The following IMMP2L variants were observed in gnomAD, a reference collection of about 807,000 sequenced individuals.
IMMP2L encodes inner mitochondrial membrane peptidase subunit 2.
A neutral mutation model predicts 19.3 loss-of-function variants in IMMP2L; 18 were observed. The ratio of observed to expected loss-of-function variants is 0.93; its 90% CI spans 0.64 to 1.38. The LOEUF is 1.38. IMMP2L is among the 40% of genes most tolerant of loss of function. The pLI, the probability that IMMP2L is intolerant of heterozygous loss-of-function variation, is 0.00. For missense variants in IMMP2L, 233 were observed against 218.2 expected, an observed-to-expected ratio of 1.07 and a Z score of -0.43; for synonymous variants, 76 against 73.0, an observed-to-expected ratio of 1.04 and a Z score of -0.21.
chr7:111,040,613 A>T (rs192149148), intron 3 of IMMP2L, among the ~76,000 whole-genome samples: 1 of 150,784 alleles, frequency 6.6e-6, no homozygotes. Flanking sequence ...ACAGCAGCAT[A>T]TCCTAACTTA....
intron 5 of IMMP2L, among the ~76,000 whole-genome samples, chr7:110,808,073 T>C (rs1049930825): frequency 6.6e-6 from 1 of 152,082 alleles, no homozygotes; most frequent in Non-Finnish European, 1.5e-5. Flanking sequence ...TGGGAAAATA[T>C]TAGTTTTTCA....
At chr7:111,208,441 T>C (rs1472484373) in intron 3 of IMMP2L, among the ~76,000 whole-genome samples, 1 of 152,190 alleles carries the variant, frequency 6.6e-6, no homozygotes, top group Non-Finnish European at 1.5e-5. Context: ...TGTGGCTGAA[T>C]TACCACACTG....
At position 111,423,765 on chromosome 7, in the gene IMMP2L, A is replaced by G. The variant is rs191721658; in HGVS notation, c.239+63473T>C. On this transcript the variant is annotated intron_variant, in intron 3 of 5. Transcript: ENST00000405709. ...TTAAAAGAACTAGAGAAGCAAAAGC[A>G]AACAAATTCAAAAGCCAGCAGAAGG... Among the ~76,000 whole-genome samples the G allele has an allele frequency of 6.0e-4, 91 of 151,986 alleles. 6 individuals carry two copies. Among genetic ancestry groups the G allele is most frequent in the African/African-American group, 2.1e-3 (85 of 41,274 alleles).
In IMMP2L at chr7:111,505,793, G is replaced by C. The variant is rs1235158026; in HGVS notation, c.135+15520C>G. Among the ~76,000 whole-genome samples the C allele has an allele frequency of 5.9e-5, 9 of 152,106 alleles. No homozygotes were observed. In the South Asian group the frequency reaches 8.3e-4, roughly 14 times the overall value. ...AATGAGAACACATGGACACAGGAAG[G>C]GGAACATCACACAGTGGGGACTGTT... On this transcript the variant is annotated intron_variant, in intron 2 of 5. Transcript: ENST00000405709.
intron 5 of IMMP2L, among the ~76,000 whole-genome samples, chr7:110,824,345 T>A (rs928392359): frequency 6.6e-6 from 1 of 152,112 alleles, no homozygotes; most frequent in African/African-American, 2.4e-5. Context: ...ACAAATAGGA[T>A]AGACTAAAAA....
chr7:111,142,662 G>A (rs1803059959), intron 3 of IMMP2L, among the ~76,000 whole-genome samples: 1 of 152,084 alleles, frequency 6.6e-6, no homozygotes, highest in Non-Finnish European at 1.5e-5. Context: ...CTGAGAAATT[G>A]GGCCAGTATG....
intron 3 of IMMP2L, among the ~76,000 whole-genome samples, chr7:111,369,370 C>A (rs771631187): frequency 0.012 from 1,851 of 151,914 alleles, 15 homozygotes; most frequent in Non-Finnish European, 0.017. Context: ...AAATGTTTTG[C>A]TACAGTTGTA....
intron 3 of IMMP2L, among the ~76,000 whole-genome samples, chr7:111,465,173 T>A (rs1231176757): frequency 1.3e-5 from 2 of 152,164 alleles, no homozygotes; most frequent in African/African-American, 4.8e-5. Context: ...ACTCCTGCCA[T>A]AATGGGCTCT....
chr7:110,713,629 C>T (rs1795042511), intron 5 of IMMP2L, among the ~76,000 whole-genome samples: 1 of 146,756 alleles, frequency 6.8e-6, no homozygotes, highest in Non-Finnish European at 1.5e-5. Flanking sequence ...CTTCTATCGC[C>T]TTGGTTGGGT....
chr7:111,259,907 G>C (rs1817134692), intron 3 of IMMP2L, among the ~76,000 whole-genome samples: 1 of 151,950 alleles, frequency 6.6e-6, no homozygotes, highest in African/African-American at 2.4e-5. Flanking sequence ...GGCCTGCACA[G>C]GGTCAGGATC....
chr7:111,227,431 T>C (rs1323392408), intron 3 of IMMP2L, among the ~76,000 whole-genome samples: 1 of 152,174 alleles, frequency 6.6e-6, no homozygotes, highest in Non-Finnish European at 1.5e-5. Context: ...CCCTGTTTTC[T>C]TTTAAGCTTC....
chr7:110,959,146 A>G (rs1818671017), intron 4 of IMMP2L, among the ~76,000 whole-genome samples: 1 of 152,030 alleles, frequency 6.6e-6, no homozygotes, highest in Admixed American at 6.6e-5. Flanking sequence ...TACAGTAAGT[A>G]TAAATAAGTC....
chr7:110,993,356 T>C (rs1469119609), intron 3 of IMMP2L, among the ~76,000 whole-genome samples: 2 of 152,206 alleles, frequency 1.3e-5, no homozygotes, highest in Non-Finnish European at 2.9e-5. Flanking sequence ...AGAAGTTACA[T>C]TGATTGTCCA....
intron 1 of IMMP2L, among the ~76,000 whole-genome samples, chr7:111,539,622 T>C (rs1206070951): frequency 6.6e-6 from 1 of 151,226 alleles, no homozygotes; most frequent in African/African-American, 2.5e-5. Context: ...CCACTCTGCT[T>C]TTTATCTGGT....
rs141894159 is a variant in IMMP2L, at chr7:110,963,222, A to G, written c.305+278T>C. Reference sequence around the variant, plus strand: ...ATAGTCATGCTACTTTTAATATCTGATCAATAATGATTTAATGATCATTTT... The same window carrying G: ...ATAGTCATGCTACTTTTAATATCTGGTCAATAATGATTTAATGATCATTTT... On this transcript the variant is annotated intron_variant, in intron 4 of 5. Coordinates refer to ENST00000405709, the MANE Select transcript of IMMP2L (RefSeq NM_032549.4). The G allele has an allele frequency of 6.3e-4, 425 of 671,056 alleles. 1 individual carries two copies. The East Asian group carries it at 0.012, about 18-fold the overall frequency. 41.6% of individuals were successfully genotyped at this position (671,056 alleles called of 1,614,324 possible).
At position 111,173,675 on chromosome 7, in the gene IMMP2L, C is replaced by T. The variant is rs531968217; in HGVS notation, c.240-210110G>A. Among the ~76,000 whole-genome samples the T allele has an allele frequency of 3.3e-5, 5 of 151,702 alleles. No individual in the cohort carries two copies. The South Asian group carries it at 8.3e-4, about 25-fold the overall frequency. On this transcript the variant is annotated intron_variant, in intron 3 of 5. Transcript: ENST00000405709. ...CATTTCTGGAGTAACAGTGTCATTT[C>T]CAATCCCTAGTAAAACAGCAGATAT...
chr7:110,990,146 A>G (rs1294724520), intron 3 of IMMP2L, among the ~76,000 whole-genome samples: 1 of 152,192 alleles, frequency 6.6e-6, no homozygotes, highest in Admixed American at 6.6e-5. Context: ...CCACACAAAT[A>G]AGGAATTTAA....
At chr7:111,039,936 C>A (rs946138143) in intron 3 of IMMP2L, among the ~76,000 whole-genome samples, 6 of 152,116 alleles carry the variant, frequency 3.9e-5, no homozygotes, top group African/African-American at 1.4e-4. Flanking sequence ...GAGGCCGAGG[C>A]GGGTGGATCA....
chr7:110,809,856 T>C (rs915204749), intron 5 of IMMP2L, among the ~76,000 whole-genome samples: 1 of 152,046 alleles, frequency 6.6e-6, no homozygotes, highest in Admixed American at 6.6e-5. Context: ...GAAAATAATC[T>C]AAGAATATAA....
Sources: gnomAD v4.1 joint callset for allele counts (sites outside exome capture counted in the v4.1 genomes callset) on GRCh38, gnomAD v4.1.1 for gene constraint, MANE v1.5 for transcripts, NCBI Gene and HGNC (gene_info 2026-07-23, HGNC 2026-07-21) for gene names.